NLRC5: variants seen among roughly 807,000 people sequenced by gnomAD.
The protein encoded by NLRC5 is protein NLRC5.
In NLRC5, 114 loss-of-function variants were observed where a neutral mutation model predicts 206.9. That is an observed-to-expected ratio of 0.55 (90% CI 0.47 to 0.64). NLRC5 has a LOEUF of 0.64. NLRC5 is among the 30% of genes least tolerant of loss of function. NLRC5 has a pLI of 0.00. For missense variants in NLRC5, 2,008 were observed against 2,305.5 expected (o/e 0.87, Z 2.64); for synonymous variants, 952 against 962.8 (o/e 0.99, Z 0.21).
At chr16:57,006,205 C>T (rs1436409115) in intron 1 of NLRC5, among the ~76,000 whole-genome samples, 1 of 151,718 alleles carries the variant, frequency 6.6e-6, no homozygotes, top group Non-Finnish European at 1.5e-5. Context: ...TGCCATGTTA[C>T]CCAGGCTCGT....
chr16:57,011,053 G>A (rs2059439407), intron 1 of NLRC5, among the ~76,000 whole-genome samples: 1 of 152,146 alleles, frequency 6.6e-6, no homozygotes, highest in Non-Finnish European at 1.5e-5. Context: ...TAGCTTCCCA[G>A]AGTTGGTCTC....
At chr16:57,013,849 C>G in intron 1 of NLRC5, 1 of 667,554 alleles carries the variant, frequency 1.5e-6, no homozygotes, top group East Asian at 2.7e-5. Flanking sequence ...CCGATACTTT[C>G]TTTTTCAAAA....
At position 57,045,352 on chromosome 16, in the gene NLRC5, C is replaced by T. The variant is rs78692082; in HGVS notation, c.3204-96C>T. 2,096 of 1,197,796 alleles carry T rather than the reference C, an allele frequency of 1.7e-3. 27 individuals carry two copies. The African/African-American group carries it at 0.028, about 16-fold the overall frequency. 74.2% of individuals were successfully genotyped at this position (1,197,796 alleles called of 1,614,324 possible). A position where few individuals can be genotyped will look rare whatever the true frequency, so the allele number is the denominator to read the frequency against. On this transcript the variant is annotated intron_variant, in intron 20 of 48. Coordinates refer to ENST00000688547, the MANE Select transcript of NLRC5 (RefSeq NM_001384950.1). ...TGTTTGCTAAGAAAGCAGGCCACCC[C>T]AGGCCCTCCTTGCCCTGACCAGTCT...
intron 39 of NLRC5, among the ~76,000 whole-genome samples, chr16:57,075,048 G>A (rs1194559254): frequency 3.6e-3 from 224 of 61,532 alleles, no homozygotes; most frequent in African/African-American, 0.014. Context: ...TTTTTTTTTT[G>A]AGTTGGGGCC....
In NLRC5 at chr16:57,025,837, C is replaced by T. The variant is rs184144107; in HGVS notation, c.894C>T (p.Asn298=). The T allele has an allele frequency of 6.4e-5, 104 of 1,614,234 alleles. No homozygotes were observed. Among genetic ancestry groups the T allele is most frequent in the Non-Finnish European group, 8.0e-5 (94 of 1,180,048 alleles). Residue 298 remains asparagine (N), a synonymous_variant, in exon 6 of 49, where the codon AAC becomes AAT. Coordinates refer to ENST00000688547, the MANE Select transcript of NLRC5 (RefSeq NM_001384950.1). ...HDTVFQYLEK[N]ADQVLLIFDG... ...CTGTCTTCCAGTACCTGGAGAAGAA[C>T]GCTGACCAAGTCCTGCTGATCTTTG...
intron 26 of NLRC5, 61 bp from the exon 27 acceptor site, chr16:57,055,372 C>G (rs1342476338): frequency 6.6e-7 from 1 of 1,507,336 alleles, no homozygotes; most frequent in Non-Finnish European, 9.2e-7. Context: ...CTAGCCAGGC[C>G]GGAGGGGGTC....
chr16:57,000,959 G>A (rs965885056), intron 1 of NLRC5, among the ~76,000 whole-genome samples: 6 of 152,154 alleles, frequency 3.9e-5, no homozygotes, highest in Non-Finnish European at 8.8e-5. Context: ...TCCCTCCCAG[G>A]GCCTCAGTTT....
At chr16:57,002,651 T>TG (rs1478382866) in intron 1 of NLRC5, among the ~76,000 whole-genome samples, 74 of 146,888 alleles carry the variant, frequency 5.0e-4, no homozygotes, top group Middle Eastern at 3.5e-3. Flanking sequence ...TTTTGTTTTT[T>TG]TTTTTTTTTT....
In NLRC5 at chr16:57,026,141, C is replaced by A. The variant is rs373267902; in HGVS notation, c.1198C>A (p.Arg400=). The A allele has an allele frequency of 1.2e-6, 2 of 1,614,074 alleles. No individual in the cohort carries two copies. The highest frequency in any genetic ancestry group is 1.1e-5 in the South Asian group (1 of 91,086). ...GGAGTTACAGACAAATGGACGTCTC[C>A]GAAGCCTGTGTGCGGTGCCCGCACT... is the stretch of plus-strand genomic sequence containing the variant. ...LVELQTNGRL[R]SLCAVPALCQ... Residue 400 remains arginine, a synonymous_variant, in exon 6 of 49, where the codon CGA becomes AGA. Transcript: ENST00000688547.
At chr16:57,015,505 T>C (rs2059954078) in intron 1 of NLRC5, among the ~76,000 whole-genome samples, 1 of 152,150 alleles carries the variant, frequency 6.6e-6, no homozygotes, top group South Asian at 2.1e-4. Context: ...CAGTCCCAGC[T>C]ACTCAGGAGG....
intron 1 of NLRC5, among the ~76,000 whole-genome samples, chr16:57,000,480 G>C (rs1220663377): frequency 6.6e-6 from 1 of 152,076 alleles, no homozygotes; most frequent in African/African-American, 2.4e-5. Context: ...CAGGCCTGAG[G>C]CTGGGAGTGC....
chr16:57,054,616 C>A, intron 24 of NLRC5, 135 bp from the exon 25 acceptor site: 1 of 737,166 alleles, frequency 1.4e-6, no homozygotes, highest in Non-Finnish European at 2.5e-6. Flanking sequence ...CCTATTTGTG[C>A]CTCTTGATCC....
chr16:57,076,666 C>A (rs1018393182), intron 39 of NLRC5, among the ~76,000 whole-genome samples, 153 bp from the exon 40 acceptor site: 17 of 152,246 alleles, frequency 1.1e-4, no homozygotes, highest in Non-Finnish European at 2.5e-4. Flanking sequence ...CCTTGCTCAC[C>A]ACTCCCCACC....
chr16:57,064,188 A>T (rs1245831756), intron 32 of NLRC5, among the ~76,000 whole-genome samples: 1 of 151,934 alleles, frequency 6.6e-6, no homozygotes, highest in Non-Finnish European at 1.5e-5. Flanking sequence ...ACAACATGGC[A>T]AAACCCCATA....
chr16:57,063,601 G>A (rs2066777136), intron 32 of NLRC5, among the ~76,000 whole-genome samples: 1 of 152,218 alleles, frequency 6.6e-6, no homozygotes, highest in Non-Finnish European at 1.5e-5. Flanking sequence ...TTTTGCCCAG[G>A]ATGATCTTGA....
Position 57,066,562 on chromosome 16 carries a change from G to A in NLRC5, c.4270G>A (p.Val1424Ile), listed in dbSNP as rs758709351. ...CTCCGAGACCCAGCAGCAGCTCTGT[G>A]TCCAGCTGGAATTTCCTCGCCAGGA... ...SISETQQQLC[V>I]QLEFPRQEEN... The change falls in exon 34 of 49, where the codon GTC becomes ATC. Residue 1424 changes from valine (V) to isoleucine (I), a missense_variant. By Grantham distance (29) the Val-to-Ile change is conservative. Transcript: ENST00000688547. 9 of 1,613,912 alleles carry A rather than the reference G, an allele frequency of 5.6e-6. No individual in the cohort carries two copies. Among genetic ancestry groups the A allele is most frequent in the Admixed American group, 1.7e-5 (1 of 59,996 alleles).
In NLRC5 at chr16:57,031,468, G is replaced by A; in HGVS notation, c.2477+5G>A. ...GACAACTGCAGAGCTACAAAGGTAA[G>A]AAGCCAAGAGGCGGTGGGCCTGGGG... On this transcript the variant is annotated splice_donor_5th_base_variant and intron_variant, in intron 11 of 48. Transcript: ENST00000688547. 1 of 1,613,804 alleles carries A rather than the reference G, an allele frequency of 6.2e-7. No individual in the cohort carries two copies. The highest frequency in any genetic ancestry group is 2.2e-5 in the East Asian group (1 of 44,848).
chr16:57,076,447 C>T lies in NLRC5; in HGVS notation c.4752-372C>T, dbSNP rs149560550. 7.2e-5 allele frequency among the ~76,000 whole-genome samples: 11 copies of T among 152,358 alleles called. 1 individual carries two copies. The East Asian group carries it at 2.1e-3, about 29-fold the overall frequency. On this transcript the variant is annotated intron_variant, in intron 39 of 48. Coordinates refer to ENST00000688547, the MANE Select transcript of NLRC5 (RefSeq NM_001384950.1). Reference sequence around the variant, plus strand: ...GATCTGCGTGAATCAGAGAATCCCACGTGAAAGTGGCATTCAGCCGGGCCA... The same window carrying T: ...GATCTGCGTGAATCAGAGAATCCCATGTGAAAGTGGCATTCAGCCGGGCCA...
chr16:57,030,408 A>ATGGATGGATGGC lies in NLRC5; in HGVS notation c.2417+327_2417+328insATGGATGGCTGG, dbSNP rs1567563823. On this transcript the variant is annotated intron_variant, in intron 10 of 48. Transcript: ENST00000688547. Reference sequence around the variant, plus strand: ...GATGGATGGATGGATGGATGGATGGATGGCTGAAAAGATGGATGGGTGGAT... The same window carrying ATGGATGGATGGC: ...GATGGATGGATGGATGGATGGATGGATGGATGGATGGCTGGCTGAAAAGATGGATGGGTGGAT... Among the ~76,000 whole-genome samples the ATGGATGGATGGC allele has an allele frequency of 3.3e-5, 4 of 121,494 alleles. 1 individual carries two copies. Among genetic ancestry groups the ATGGATGGATGGC allele is most frequent in the Admixed American group, 1.8e-4 (2 of 11,338 alleles). 79.7% of individuals were successfully genotyped at this position (121,494 alleles called of 152,430 possible).
Sources: allele counts gnomAD v4.1 joint callset (sites outside exome capture counted in the v4.1 genomes callset), GRCh38; gene constraint gnomAD v4.1.1; transcripts MANE v1.5; gene names NCBI Gene and HGNC (gene_info 2026-07-23, HGNC 2026-07-21).